HLA-DMB: variants seen among roughly 807,000 people sequenced by gnomAD.
HLA-DMB encodes major histocompatibility complex, class II, DM beta.
In HLA-DMB, 18 loss-of-function variants were observed where a neutral mutation model predicts 29.3. The ratio of observed to expected loss-of-function variants is 0.62; its 90% CI spans 0.43 to 0.91. HLA-DMB has a LOEUF of 0.91. HLA-DMB is among the 40% of genes least tolerant of loss of function. HLA-DMB has a pLI of 0.00. For synonymous variants in HLA-DMB, 143 were observed against 128.7 expected (o/e 1.11, Z -0.75); for missense variants, 258 against 320.9 (o/e 0.80, Z 1.50).
intron 1 of HLA-DMB, among the ~76,000 whole-genome samples, chr6:32,939,416 G>T (rs899125399): frequency 4.6e-5 from 7 of 152,224 alleles, no homozygotes; most frequent in Non-Finnish European, 7.3e-5. Context: ...ATGCCAGGAG[G>T]TGAAGTACCC....
rs752420843 is a variant in HLA-DMB at position 32,935,315 on chromosome 6, A to G, written c.775+27T>C. ...CCCGCACCCCTACCAAAGGGCAAGT[A>G]GGGAAACAGACCAACAGAGATGTTA... On this transcript the variant is annotated intron_variant, in intron 5 of 5. Transcript: ENST00000418107. The G allele has an allele frequency of 8.8e-6, 14 of 1,598,068 alleles. No homozygotes were observed. In the East Asian group the frequency reaches 3.1e-4, roughly 36 times the overall value.
chr6:32,938,731 C>A lies in HLA-DMB; in HGVS notation c.290G>T (p.Cys97Phe). Residue 97 changes from cysteine to phenylalanine, a missense_variant, in exon 2 of 6, where the codon TGT (cysteine) becomes TTT (phenylalanine). Coordinates refer to ENST00000418107, the MANE Select transcript of HLA-DMB (RefSeq NM_002118.5). ...MQRLRNGLQNCATHTQPFWGS... is the reference protein window; with the variant it reads ...MQRLRNGLQNFATHTQPFWGS... ...CCAGAAGGGCTGGGTGTGTGTGGCA[C>A]AATTCTGAAGCCCATTGCGCAAGCG... 6.3e-7 allele frequency: 1 copy of A among 1,582,866 alleles called. No individual in the cohort carries two copies.
chr6:32,935,473 C>G, intron 4 of HLA-DMB, 63 bp downstream of exon 4: 3 of 1,532,366 alleles, frequency 2.0e-6, no homozygotes, highest in Non-Finnish European at 2.7e-6. Context: ...GAGTTAATCA[C>G]AAACAGAAAG....
Position 32,937,562 on chromosome 6 carries a change from T to C in HLA-DMB, c.338-106A>G. Reference sequence around the variant, plus strand: ...ACTCTTCGTAGATTTTGCAACCCACTTTCCACCCCAGCCCCCTCTGCCATG... The same window carrying C: ...ACTCTTCGTAGATTTTGCAACCCACCTTCCACCCCAGCCCCCTCTGCCATG... On this transcript the variant is annotated intron_variant, in intron 2 of 5. Coordinates refer to ENST00000418107, the MANE Select transcript of HLA-DMB (RefSeq NM_002118.5). This position sits in a 1 kb window ranked among gnomAD's most constrained non-coding sequence, Gnocchi z 4.1. 2.8e-6 allele frequency: 3 copies of C among 1,060,620 alleles called. No homozygotes were observed. The South Asian group carries it at 4.4e-5, about 16-fold the overall frequency. 65.7% of individuals were successfully genotyped at this position (1,060,620 alleles called of 1,614,324 possible).
chr6:32,937,513 C>T lies in HLA-DMB; in HGVS notation c.338-57G>A, dbSNP rs1776080633. The T allele has an allele frequency of 6.5e-7, 1 of 1,532,908 alleles. No homozygotes were observed. The highest frequency in any genetic ancestry group is 1.8e-5 in the Admixed American group (1 of 55,940). The allele number at this position is 1,532,908 out of a possible 1,614,324, so 95.0% of individuals were successfully genotyped here. On this transcript the variant is annotated intron_variant, in intron 2 of 5. Coordinates refer to ENST00000418107, the MANE Select transcript of HLA-DMB (RefSeq NM_002118.5). The surrounding 1 kb of genome is among the most constrained non-coding windows in gnomAD (Gnocchi z 4.1). ...GAGGGTGACATTCTGGCTGCTTCCTCAACCTGGTTTCTTCCCTATCGCAAC... is the reference window on the plus strand; with the variant it reads ...GAGGGTGACATTCTGGCTGCTTCCTTAACCTGGTTTCTTCCCTATCGCAAC...
chr6:32,935,559 C>A lies in HLA-DMB; in HGVS notation c.716G>T (p.Ser239Ile), dbSNP rs747488141. 3.7e-6 allele frequency: 6 copies of A among 1,612,896 alleles called. No homozygotes were observed. The African/African-American group carries it at 8.0e-5, about 22-fold the overall frequency. Residue 239 changes from serine to isoleucine, a missense_variant, in exon 4 of 6, where the codon AGC (serine) becomes ATC (isoleucine). Coordinates refer to ENST00000418107, the MANE Select transcript of HLA-DMB (RefSeq NM_002118.5). ...GLIIFSLGVI[S>I]WRRAGHSSYT... ...ACTAGAGTGGCCAGCTCTCCGCCAG[C>A]TGATCACACCAAGAGAGAAGATGAT...
chr6:32,938,852 C>T lies in HLA-DMB; in HGVS notation c.169G>A (p.Glu57Lys). Residue 57 changes from glutamate to lysine, a missense_variant, in exon 2 of 6, where the codon GAG becomes AAG. Transcript: ENST00000418107. ...NKDLLTCWDP[E>K]ENKMAPCEFG... ...TCGCAAGGGGCCATCTTATTCTCCT[C>T]TGGATCCCAGCAGGTCAGCAGATCC... The T allele has an allele frequency of 1.2e-6, 2 of 1,612,630 alleles. No individual in the cohort carries two copies. The highest frequency in any genetic ancestry group is 2.2e-5 in the South Asian group (2 of 91,012).
At chr6:32,935,758 G>C (rs1223095968) in intron 3 of HLA-DMB, 106 bp from the exon 4 acceptor site, 4 of 730,888 alleles carry the variant, frequency 5.5e-6, no homozygotes, top group African/African-American at 3.5e-5. Context: ...CTTTATCCCA[G>C]CTCCAAGGGT....
Position 32,937,611 on chromosome 6 carries a change from A to G in HLA-DMB, c.338-155T>C. 1 of 628,666 alleles carries G rather than the reference A, an allele frequency of 1.6e-6. No homozygotes were observed. The highest frequency in any genetic ancestry group is 2.0e-5 in the South Asian group (1 of 51,086). The allele number at this position is 628,666 out of a possible 1,614,324, so 38.9% of individuals were successfully genotyped here. ...TGCTGCCCCTTGAAGGGGAACCGTT[A>G]GAATGTATTCCTGCATTACTCTTTC... On this transcript the variant is annotated intron_variant, in intron 2 of 5. Transcript: ENST00000418107. This position sits in a 1 kb window ranked among gnomAD's most constrained non-coding sequence, Gnocchi z 4.1.
At chr6:32,936,908 C>A in intron 3 of HLA-DMB, 1 of 354,456 alleles carries the variant, frequency 2.8e-6, no homozygotes, top group Non-Finnish European at 5.1e-6. Context: ...GCAGCAATAG[C>A]ACAGACTAAA....
At chr6:32,935,031 T>G in intron 5 of HLA-DMB, 44 bp from the exon 6 acceptor site, 1 of 1,611,068 alleles carries the variant, frequency 6.2e-7, no homozygotes, top group Non-Finnish European at 8.5e-7. Context: ...TCAACCCAAC[T>G]TGCCCCCATC....
chr6:32,935,239 C>T (rs1156268422), intron 5 of HLA-DMB, 103 bp downstream of exon 5: 1 of 996,744 alleles, frequency 1.0e-6, no homozygotes, highest in African/African-American at 1.6e-5. Context: ...CTCATGGAAG[C>T]TCACCCATAT....
Position 32,937,122 on chromosome 6 carries a change from C to G in HLA-DMB, c.622+50G>C. 1 of 1,481,148 alleles carries G rather than the reference C, an allele frequency of 6.8e-7. No individual in the cohort carries two copies. Among genetic ancestry groups the G allele is most frequent in the South Asian group, 1.3e-5 (1 of 75,520 alleles). The allele number at this position is 1,481,148 out of a possible 1,614,324, so 91.8% of individuals were successfully genotyped here. ...CCATGTACCATGTATCGATCCACAT[C>G]TCATTTTCTCTGCTTTGACCCTAAT... On this transcript the variant is annotated intron_variant, in intron 3 of 5. Transcript: ENST00000418107. This position sits in a 1 kb window ranked among gnomAD's most constrained non-coding sequence, Gnocchi z 4.1.
rs59780145 is a variant in HLA-DMB, at chr6:32,935,997, C to G, written c.623-345G>C. On this transcript the variant is annotated intron_variant, in intron 3 of 5. Transcript: ENST00000418107. Reference sequence around the variant, plus strand: ...GGGCTCCTCACTGTCCTCTCCATTGCCCCCACGGTAACAATGTTTGCTTCC... The same window carrying G: ...GGGCTCCTCACTGTCCTCTCCATTGGCCCCACGGTAACAATGTTTGCTTCC... 1.1e-3 allele frequency: 309 copies of G among 290,876 alleles called. 1 individual carries two copies. Among genetic ancestry groups the G allele is most frequent in the African/African-American group, 6.6e-3 (302 of 46,106 alleles). The allele number at this position is 290,876 out of a possible 1,614,324, so 18.0% of individuals were successfully genotyped here. A position where few individuals can be genotyped will look rare whatever the true frequency, so the allele number is the denominator to read the frequency against.
rs2127472346 is a variant in HLA-DMB, at chr6:32,940,680, A to G, written c.55+73T>C. The G allele has an allele frequency of 3.3e-6, 4 of 1,198,736 alleles. No individual in the cohort carries two copies. In the South Asian group the frequency reaches 4.0e-5, roughly 12 times the overall value. 74.3% of individuals were successfully genotyped at this position (1,198,736 alleles called of 1,614,324 possible). On this transcript the variant is annotated intron_variant, in intron 1 of 5. Transcript: ENST00000418107. ...CAAACTATCTGGGGTGTCAAATGCA[A>G]TTACAAAACGGAACACCCTTACCCT... is the stretch of plus-strand genomic sequence containing the variant.
rs1776050662 is a variant in HLA-DMB, at chr6:32,937,134, G to A, written c.622+38C>T. 6.6e-7 allele frequency: 1 copy of A among 1,519,894 alleles called. No individual in the cohort carries two copies. 94.2% of individuals were successfully genotyped at this position (1,519,894 alleles called of 1,614,324 possible). A position where few individuals can be genotyped will look rare whatever the true frequency, so the allele number is the denominator to read the frequency against. On this transcript the variant is annotated intron_variant, in intron 3 of 5. Transcript: ENST00000418107. This position sits in a 1 kb window ranked among gnomAD's most constrained non-coding sequence, Gnocchi z 4.1. ...TATCGATCCACATCTCATTTTCTCT[G>A]CTTTGACCCTAATTCCATCCATCTG...
rs1458461236 is a variant in HLA-DMB at position 32,934,961 on chromosome 6, G to C, written c.*10C>G. 1 of 1,612,650 alleles carries C rather than the reference G, an allele frequency of 6.2e-7. No homozygotes were observed. The highest frequency in any genetic ancestry group is 8.5e-7 in the Non-Finnish European group (1 of 1,179,714). ...TTCTCACTTGGAGTGGAAGTTGTAG[G>C]ATTCTGCCTCTAGGAAATGTGCCAT... On this transcript the variant is annotated 3_prime_UTR_variant, in exon 6 of 6. Coordinates refer to ENST00000418107, the MANE Select transcript of HLA-DMB (RefSeq NM_002118.5).
In HLA-DMB at chr6:32,937,246, G is replaced by C. The variant is rs1776060523; in HGVS notation, c.548C>G (p.Thr183Ser). ...TYQTLSHLALTPSYGDTYTCV... is the reference protein window; with the variant it reads ...TYQTLSHLALSPSYGDTYTCV... ...GGTGTAAGTGTCCCCGTAAGAGGGG[G>C]TTAAGGCTAAATGGGAGAGGGTCTG... Residue 183 changes from threonine to serine, a missense_variant, in exon 3 of 6, where the codon ACC (threonine) becomes AGC (serine). Physicochemically the swap from Thr to Ser is moderately conservative, Grantham distance 58 (BLOSUM62 1). Coordinates refer to ENST00000418107, the MANE Select transcript of HLA-DMB (RefSeq NM_002118.5). The surrounding 1 kb of genome is among the most constrained non-coding windows in gnomAD (Gnocchi z 4.1). 1 of 1,614,048 alleles carries C rather than the reference G, an allele frequency of 6.2e-7. No individual in the cohort carries two copies. The highest frequency in any genetic ancestry group is 1.3e-5 in the African/African-American group (1 of 74,936).
At chr6:32,935,162 G>A in intron 5 of HLA-DMB, 175 bp from the exon 6 acceptor site, 1 of 839,502 alleles carries the variant, frequency 1.2e-6, no homozygotes, top group Non-Finnish European at 2.0e-6. Context: ...CTTGGTAGAA[G>A]AGGAGGATGC....
Sources: allele counts gnomAD v4.1 joint callset (sites outside exome capture counted in the v4.1 genomes callset), GRCh38; gene constraint gnomAD v4.1.1; non-coding constraint Gnocchi (gnomAD v3.1); transcripts MANE v1.5; gene names NCBI Gene and HGNC (gene_info 2026-07-23, HGNC 2026-07-21).